The following HOXA3 variants were observed in gnomAD, a reference collection of about 807,000 sequenced individuals.
HOXA3 encodes homeobox A3.
In HOXA3, 8 loss-of-function variants were observed where a neutral mutation model predicts 30.3. The ratio of observed to expected loss-of-function variants is 0.26; its 90% CI spans 0.15 to 0.48. The LOEUF (loss-of-function observed/expected upper bound fraction) is 0.48. Among genes scored for constraint, HOXA3 ranks in the 20% least tolerant of loss-of-function variants. HOXA3 has a pLI of 0.99. For missense variants in HOXA3, 653 were observed against 614.4 expected (o/e 1.06, Z -0.66); for synonymous variants, 323 against 273.1 (o/e 1.18, Z -1.80).
In HOXA3 at chr7:27,108,727, G is replaced by A. The variant is rs755946031; in HGVS notation, c.527-7C>T. On this transcript the variant is annotated splice_region_variant and splice_polypyrimidine_tract_variant and intron_variant, in intron 5 of 5. Transcript: ENST00000612286. The surrounding 1 kb of genome is among the most constrained non-coding windows in gnomAD (Gnocchi z 5.0). ...TCGCCAGCGCAGCTTTCGCCTGCGAGGACAGAGAGAGGAAGAGCGGCGTCA... is the reference window on the plus strand; with the variant it reads ...TCGCCAGCGCAGCTTTCGCCTGCGAAGACAGAGAGAGGAAGAGCGGCGTCA... 3 of 1,585,574 alleles carry A rather than the reference G, an allele frequency of 1.9e-6. No individual in the cohort carries two copies.
intron 5 of HOXA3, 88 bp downstream of exon 5, chr7:27,110,027 G>A (rs1024377267): frequency 3.4e-5 from 51 of 1,490,326 alleles, no homozygotes; most frequent in African/African-American, 8.3e-5. Flanking sequence ...ATGCTCCATC[G>A]CTCCTAGGCT....
rs1334763269 is a variant in HOXA3, at chr7:27,141,539, T to G, written c.-493-1353A>C. On this transcript the variant is annotated intron_variant, in intron 1 of 5. Transcript: ENST00000612286. The stretch of plus-strand genomic sequence containing the variant: ...GACTTTTTGTGTGTTTTTTTTTCTC[T>G]TTTCTTTTTTTGTTATAGTTACTTC... 4 of 255,832 alleles carry G rather than the reference T, an allele frequency of 1.6e-5. No homozygotes were observed. In the Admixed American group the frequency reaches 2.0e-4, roughly 13 times the overall value. 15.8% of individuals were successfully genotyped at this position (255,832 alleles called of 1,614,324 possible). A position where few individuals can be genotyped will look rare whatever the true frequency, so the allele number is the denominator to read the frequency against.
intron 1 of HOXA3, chr7:27,143,389 G>A: frequency 1.2e-6 from 2 of 1,602,650 alleles, no homozygotes; most frequent in Non-Finnish European, 1.7e-6. Context: ...CGCTGGCAGC[G>A]TAGCTGCGGG....
intron 2 of HOXA3, chr7:27,130,161 C>A: frequency 1.2e-6 from 2 of 1,601,340 alleles, no homozygotes; most frequent in Non-Finnish European, 8.5e-7. Context: ...ACACCACGGG[C>A]TCCTTGCCCT....
intron 4 of HOXA3, among the ~76,000 whole-genome samples, chr7:27,111,306 C>G (rs928886402): frequency 2.6e-5 from 4 of 152,152 alleles, no homozygotes; most frequent in Admixed American, 2.0e-4. Flanking sequence ...CTTCCTGCTC[C>G]CAAGAGAGGT....
intron 3 of HOXA3, chr7:27,123,639 G>A (rs1414410708): frequency 6.6e-6 from 1 of 152,480 alleles, no homozygotes; most frequent in Non-Finnish European, 1.5e-5. Flanking sequence ...TCAGACCCAG[G>A]TAACCTCTTA....
chr7:27,131,910 G>A (rs903212240), intron 2 of HOXA3, among the ~76,000 whole-genome samples: 2 of 152,200 alleles, frequency 1.3e-5, no homozygotes, highest in Non-Finnish European at 2.9e-5. Context: ...GAAAATTAGC[G>A]TATTAACGAT....
At chr7:27,131,035 T>G (rs1490886854) in intron 2 of HOXA3, among the ~76,000 whole-genome samples, 1 of 152,072 alleles carries the variant, frequency 6.6e-6, no homozygotes, top group African/African-American at 2.4e-5. Context: ...GATGCTGCTG[T>G]CCGGCCCCTG....
At chr7:27,145,727 T>C (rs1262088801) in intron 1 of HOXA3, 8 of 1,614,224 alleles carry the variant, frequency 5.0e-6, no homozygotes, top group Non-Finnish European at 6.8e-6. Context: ...TGTTTTCCTT[T>C]TTCCACTTCA....
chr7:27,145,788 G>T (rs899753603), intron 1 of HOXA3: 3 of 1,614,262 alleles, frequency 1.9e-6, no homozygotes, highest in Non-Finnish European at 2.5e-6. Flanking sequence ...GAGGCAGAGC[G>T]CGTTGGCGAT....
At chr7:27,147,275 CCTCTCCCT>C (rs1188843407) in intron 1 of HOXA3, 1 of 1,568,994 alleles carries the variant, frequency 6.4e-7, no homozygotes. Context: ...CCTCCTTTCC[CCTCTCCCT>C]CCACTGTCTT....
At chr7:27,129,243 G>A (rs755258643) in intron 2 of HOXA3, 6 of 1,559,448 alleles carry the variant, frequency 3.8e-6, no homozygotes, top group South Asian at 2.2e-5. Context: ...AGGAGGGAAC[G>A]GGTGTGGAGG....
rs1270703786 is a variant in HOXA3 at position 27,110,669 on chromosome 7, C to A, written c.-29G>T. ...GTTGTTTCACGATCTTGATCGCACACTCTGACAGGGGTTTGACACCCGTGA... is the reference window on the plus strand; with the variant it reads ...GTTGTTTCACGATCTTGATCGCACAATCTGACAGGGGTTTGACACCCGTGA... On this transcript the variant is annotated 5_prime_UTR_variant, in exon 5 of 6. Transcript: ENST00000612286. 1 of 1,592,732 alleles carries A rather than the reference C, an allele frequency of 6.3e-7. No homozygotes were observed. Among genetic ancestry groups the A allele is most frequent in the East Asian group, 2.3e-5 (1 of 44,200 alleles).
chr7:27,145,860 G>A (rs1782741855), intron 1 of HOXA3: 2 of 1,614,224 alleles, frequency 1.2e-6, no homozygotes, highest in Non-Finnish European at 1.7e-6. Context: ...CAGCTCCAGT[G>A]TCTGGTAGCG....
chr7:27,147,695 C>A, intron 1 of HOXA3: 1 of 1,613,384 alleles, frequency 6.2e-7, no homozygotes, highest in Non-Finnish European at 8.5e-7. Flanking sequence ...AAGAAGGAGT[C>A]CTGGCCGCTG....
At chr7:27,139,196 C>T (rs1199221309) in intron 2 of HOXA3, among the ~76,000 whole-genome samples, 1 of 152,222 alleles carries the variant, frequency 6.6e-6, no homozygotes, top group African/African-American at 2.4e-5. Flanking sequence ...GATTCAAAGA[C>T]TAAAGTTAAA....
At chr7:27,129,426 C>A (rs1337130876) in intron 2 of HOXA3, 3 of 1,614,174 alleles carry the variant, frequency 1.9e-6, no homozygotes, top group South Asian at 2.2e-5. Flanking sequence ...GGCGCTCAGA[C>A]AAACAGAGCG....
intron 4 of HOXA3, among the ~76,000 whole-genome samples, chr7:27,121,449 A>G (rs1193354641): frequency 6.6e-6 from 1 of 152,214 alleles, no homozygotes; most frequent in Non-Finnish European, 1.5e-5. Context: ...ACACAGAGTT[A>G]CAAATTCCTG....
intron 1 of HOXA3, among the ~76,000 whole-genome samples, chr7:27,146,114 G>A (rs895815032): frequency 4.6e-5 from 7 of 152,318 alleles, no homozygotes; most frequent in African/African-American, 1.7e-4. Context: ...CACCTATAAC[G>A]ACTTGGGGTG....
Sources: allele counts gnomAD v4.1 joint callset (sites outside exome capture counted in the v4.1 genomes callset), GRCh38; gene constraint gnomAD v4.1.1; non-coding constraint Gnocchi (gnomAD v3.1); transcripts MANE v1.5; gene names NCBI Gene and HGNC (gene_info 2026-07-23, HGNC 2026-07-21).